The following NAALADL2 variants were observed in gnomAD, a reference collection of about 807,000 sequenced individuals.
NAALADL2 encodes the protein N-acetylated alpha-linked acidic dipeptidase like 2.
Under a neutral mutation model 87.2 loss-of-function variants are expected in NAALADL2, and 76 were observed. The observed-to-expected ratio is 0.87, with a 90% CI of 0.72 to 1.05. NAALADL2 has a LOEUF of 1.05. Ranked by LOEUF, NAALADL2 falls within the 50% of genes least tolerant of loss-of-function variation. The pLI is 0.00. For synonymous variants in NAALADL2, 354 were observed against 331.0 expected (o/e 1.07, Z -0.75); for missense variants, 1,089 against 945.8 (o/e 1.15, Z -1.99).
chr3:174,784,409 TCTTA>T lies in NAALADL2; in HGVS notation c.-9+46667_-9+46670del, dbSNP rs1317886911. Reference sequence around the variant, plus strand: ...GAAGAGCCTAAATCTGCCTTAACTGTCTTACTTCATGAGTCATAATATATATTTG... The same window carrying T: ...GAAGAGCCTAAATCTGCCTTAACTGTCTTCATGAGTCATAATATATATTTG... On this transcript the variant is annotated intron_variant, in intron 3 of 3. Coordinates refer to the NAALADL2 transcript ENST00000434257. Among the ~76,000 whole-genome samples the T allele has an allele frequency of 2.0e-5, 3 of 152,326 alleles. No individual in the cohort carries two copies. The East Asian group carries it at 5.8e-4, about 29-fold the overall frequency.
intron 2 of NAALADL2, among the ~76,000 whole-genome samples, chr3:175,169,626 T>C (rs1734500704): frequency 1.3e-5 from 2 of 151,794 alleles, no homozygotes. Flanking sequence ...ATTCTGAGTT[T>C]TTATCCGTTT....
intron 5 of NAALADL2, among the ~76,000 whole-genome samples, chr3:175,412,218 C>T (rs34508207): frequency 0.11 from 17,069 of 152,230 alleles, 1,124 homozygotes; most frequent in Non-Finnish European, 0.16. Context: ...TCTTTTCCCC[C>T]CTTTTTATGC....
At chr3:174,496,858 G>A (rs140573121) in intron 1 of NAALADL2, among the ~76,000 whole-genome samples, 194 of 151,958 alleles carry the variant, frequency 1.3e-3, no homozygotes, top group African/African-American at 4.5e-3. Flanking sequence ...AAACACGAAC[G>A]TATCAGCAAT....
chr3:174,693,648 C>T (rs1472991178), intron 2 of NAALADL2, among the ~76,000 whole-genome samples: 1 of 151,770 alleles, frequency 6.6e-6, no homozygotes, highest in Middle Eastern at 3.2e-3. Flanking sequence ...ATTGAAGAAG[C>T]AAGAAAAGGA....
intron 10 of NAALADL2, among the ~76,000 whole-genome samples, chr3:175,583,110 A>T (rs1461467138): frequency 6.6e-6 from 1 of 152,200 alleles, no homozygotes; most frequent in East Asian, 1.9e-4. Context: ...CCTAGCCTAT[A>T]CTCAGAACTC....
intron 5 of NAALADL2, among the ~76,000 whole-genome samples, chr3:175,354,245 G>T (rs1316318589): frequency 1.3e-5 from 2 of 152,052 alleles, no homozygotes; most frequent in African/African-American, 4.8e-5. Context: ...GAATTAGTAT[G>T]GTCCAACCTA....
intron 4 of NAALADL2, among the ~76,000 whole-genome samples, chr3:175,273,292 C>T (rs1186218367): frequency 1.3e-5 from 2 of 152,040 alleles, no homozygotes; most frequent in Non-Finnish European, 2.9e-5. Flanking sequence ...CACACATATG[C>T]CTACAGACAT....
intron 2 of NAALADL2, among the ~76,000 whole-genome samples, chr3:174,627,540 C>G (rs544483949): frequency 6.6e-6 from 1 of 152,162 alleles, no homozygotes; most frequent in East Asian, 1.9e-4. Context: ...TTTCAAAGAA[C>G]TAAAAATAGA....
intron 2 of NAALADL2, among the ~76,000 whole-genome samples, chr3:174,706,145 T>C (rs997340135): frequency 6.6e-6 from 1 of 152,228 alleles, no homozygotes; most frequent in Non-Finnish European, 1.5e-5. Flanking sequence ...AATTTTGTTA[T>C]AAAACTCTCA....
At chr3:175,392,806 C>G (rs901408376) in intron 5 of NAALADL2, among the ~76,000 whole-genome samples, 1 of 152,174 alleles carries the variant, frequency 6.6e-6, no homozygotes, top group Non-Finnish European at 1.5e-5. Context: ...TCTGCAACCA[C>G]CCAAATTCTT....
chr3:175,648,198 C>T (rs1290022335), intron 11 of NAALADL2, among the ~76,000 whole-genome samples: 6 of 152,182 alleles, frequency 3.9e-5, no homozygotes, highest in Non-Finnish European at 7.4e-5. Flanking sequence ...ATTCACTTCA[C>T]TTTCCTTGTG....
intron 11 of NAALADL2, among the ~76,000 whole-genome samples, chr3:175,716,191 T>C (rs1741228133): frequency 1.4e-5 from 2 of 146,960 alleles, no homozygotes; most frequent in Non-Finnish European, 3.0e-5. Flanking sequence ...ATAATATATG[T>C]ATATAATATA....
intron 5 of NAALADL2, among the ~76,000 whole-genome samples, chr3:175,386,116 A>G (rs74602012): frequency 0.13 from 20,025 of 151,768 alleles, 1,425 homozygotes; most frequent in South Asian, 0.16. Context: ...TGAGGCTAAA[A>G]CTCTAGACAA....
chr3:175,537,489 A>G (rs1711507772), intron 9 of NAALADL2, among the ~76,000 whole-genome samples: 1 of 152,234 alleles, frequency 6.6e-6, no homozygotes. Flanking sequence ...TTTTACAATT[A>G]TGGTTTAGTG....
chr3:175,107,840 T>C (rs940530490), intron 2 of NAALADL2, among the ~76,000 whole-genome samples: 4 of 151,830 alleles, frequency 2.6e-5, no homozygotes, highest in Admixed American at 6.6e-5. Flanking sequence ...ACTTCAAATA[T>C]ATTACTAAAA....
intron 1 of NAALADL2, among the ~76,000 whole-genome samples, chr3:175,010,590 A>G (rs943884406): frequency 1.3e-5 from 2 of 152,194 alleles, no homozygotes; most frequent in Non-Finnish European, 2.9e-5. Context: ...GAGAAACACA[A>G]TGGTTTTTGT....
chr3:175,206,747 GAT>G (rs1740985676), intron 2 of NAALADL2, among the ~76,000 whole-genome samples: 1 of 152,264 alleles, frequency 6.6e-6, no homozygotes, highest in East Asian at 1.9e-4. Flanking sequence ...ATTTGGGAAT[GAT>G]GCTAGAAGTC....
At chr3:175,526,523 C>A (rs1733433164) in intron 9 of NAALADL2, among the ~76,000 whole-genome samples, 1 of 151,708 alleles carries the variant, frequency 6.6e-6, no homozygotes, top group Non-Finnish European at 1.5e-5. Context: ...ATTATTTTTT[C>A]TTTCTATAGT....
chr3:174,569,035 C>T (rs1421859100), intron 2 of NAALADL2, among the ~76,000 whole-genome samples: 1 of 151,404 alleles, frequency 6.6e-6, no homozygotes, highest in Admixed American at 6.6e-5. Flanking sequence ...TATATTGTAT[C>T]TCTATGGCCT....
Sources: gnomAD v4.1 joint callset for allele counts (sites outside exome capture counted in the v4.1 genomes callset) on GRCh38, gnomAD v4.1.1 for gene constraint, MANE v1.5 for transcripts, NCBI Gene and HGNC (gene_info 2026-07-23, HGNC 2026-07-21) for gene names.